Variants in FOXJ3 observed in about 807,000 individuals in gnomAD.
FOXJ3 encodes the protein forkhead box J3.
FOXJ3 carries 22 observed loss-of-function variants against 76.1 expected under a neutral mutation model. The ratio of observed to expected loss-of-function variants is 0.29; its 90% CI spans 0.21 to 0.41. The LOEUF is 0.41. Ranked by LOEUF, FOXJ3 falls within the 10% of genes least tolerant of loss-of-function variation. The pLI, the probability that FOXJ3 is intolerant of heterozygous loss-of-function variation, is 1.00. For synonymous variants in FOXJ3, 269 were observed against 261.2 expected, an observed-to-expected ratio of 1.03 and a Z score of -0.29; for missense variants, 613 against 762.1, an observed-to-expected ratio of 0.80 and a Z score of 2.30.
chr1:42,306,251 T>C (rs978555661), intron 2 of FOXJ3, among the ~76,000 whole-genome samples: 1 of 151,702 alleles, frequency 6.6e-6, no homozygotes, highest in African/African-American at 2.4e-5. Context: ...ACTTTTAAGA[T>C]TGTACTGTTT....
intron 3 of FOXJ3, among the ~76,000 whole-genome samples, chr1:42,267,233 A>G (rs1651532972): frequency 1.3e-5 from 2 of 152,158 alleles, no homozygotes; most frequent in South Asian, 4.1e-4. Flanking sequence ...CTGAATAACA[A>G]GCAAACACAG....
At chr1:42,227,193 G>A (rs1647642391) in intron 5 of FOXJ3, among the ~76,000 whole-genome samples, 1 of 152,204 alleles carries the variant, frequency 6.6e-6, no homozygotes, top group Admixed American at 6.5e-5. Flanking sequence ...GCTTCACAAA[G>A]CAGTTAACAT....
intron 3 of FOXJ3, among the ~76,000 whole-genome samples, chr1:42,276,821 T>A (rs952174226): frequency 1.3e-5 from 2 of 152,232 alleles, no homozygotes; most frequent in Non-Finnish European, 2.9e-5. Context: ...CTCTGATATG[T>A]TATGCACAAA....
intron 5 of FOXJ3, among the ~76,000 whole-genome samples, chr1:42,227,185 T>C (rs1240834571): frequency 6.6e-6 from 1 of 152,230 alleles, no homozygotes; most frequent in Non-Finnish European, 1.5e-5. Context: ...TAAGCGAAGC[T>C]TCACAAAGCA....
At chr1:42,295,735 G>C (rs763075933) in intron 2 of FOXJ3, among the ~76,000 whole-genome samples, 1 of 151,948 alleles carries the variant, frequency 6.6e-6, no homozygotes, top group Non-Finnish European at 1.5e-5. Context: ...CACGATGTTG[G>C]CCAGGCTGGT....
At chr1:42,308,147 A>G (rs1410202033) in intron 2 of FOXJ3, among the ~76,000 whole-genome samples, 3 of 152,282 alleles carry the variant, frequency 2.0e-5, no homozygotes, top group African/African-American at 4.8e-5. Context: ...ATTCCCAGCC[A>G]TATGTCCAGT....
chr1:42,215,860 T>C (rs924148963), intron 5 of FOXJ3, among the ~76,000 whole-genome samples: 7 of 152,106 alleles, frequency 4.6e-5, no homozygotes, highest in African/African-American at 1.7e-4. Context: ...AAAAATACTC[T>C]TCAAAAATGA....
chr1:42,324,078 T>TATATATACACTGTGTATATAC (rs139441430), intron 1 of FOXJ3, among the ~76,000 whole-genome samples: 1 of 71,302 alleles, frequency 1.4e-5, no homozygotes, highest in Non-Finnish European at 2.9e-5. Flanking sequence ...AGTGTATATA[T>TATATATACACTGTGTATATAC]AGTATATATA....
At chr1:42,238,166 G>A (rs1648848485) in intron 4 of FOXJ3, among the ~76,000 whole-genome samples, 1 of 152,010 alleles carries the variant, frequency 6.6e-6, no homozygotes, top group Non-Finnish European at 1.5e-5. Flanking sequence ...CCAAGTAGCT[G>A]GGAATATAGG....
At chr1:42,199,791 G>A (rs1646723545) in intron 6 of FOXJ3, among the ~76,000 whole-genome samples, 1 of 151,712 alleles carries the variant, frequency 6.6e-6, no homozygotes, top group Non-Finnish European at 1.5e-5. Context: ...TCAAACTGTT[G>A]TTAATGGTTA....
rs1322548048 is a variant in FOXJ3 at position 42,179,157 on chromosome 1, C to T, written c.*553G>A. 3 of 152,490 alleles carry T rather than the reference C, an allele frequency of 2.0e-5. No homozygotes were observed. Among genetic ancestry groups the T allele is most frequent in the African/African-American group, 7.2e-5 (3 of 41,390 alleles). The allele number at this position is 152,490 out of a possible 1,614,324, so 9.4% of individuals were successfully genotyped here. A position where few individuals can be genotyped will look rare whatever the true frequency, so the allele number is the denominator to read the frequency against. On this transcript the variant is annotated 3_prime_UTR_variant, in exon 13 of 13. Transcript: ENST00000361346. ...TTGACTTATTAGATAGAATTCATTA[C>T]CCACATTTCTAAAAAAGATTAAATA...
chr1:42,228,271 T>C (rs1381343791), intron 4 of FOXJ3, among the ~76,000 whole-genome samples: 2 of 152,114 alleles, frequency 1.3e-5, no homozygotes, highest in African/African-American at 2.4e-5. Flanking sequence ...ATTGAACAGA[T>C]GATAATTATA....
At chr1:42,270,074 CA>C (rs1326511997) in intron 3 of FOXJ3, among the ~76,000 whole-genome samples, 1 of 152,176 alleles carries the variant, frequency 6.6e-6, no homozygotes, top group Non-Finnish European at 1.5e-5. Flanking sequence ...ATCTTGCTTT[CA>C]ACATTCATCC....
chr1:42,298,732 T>A (rs1481744487), intron 2 of FOXJ3, among the ~76,000 whole-genome samples: 1 of 152,200 alleles, frequency 6.6e-6, no homozygotes, highest in Non-Finnish European at 1.5e-5. Context: ...TTCCTTGATG[T>A]ATGGTGGTAG....
rs144780376 is a variant in FOXJ3 at position 42,193,538 on chromosome 1, T to G, written c.934+1352A>C. Among the ~76,000 whole-genome samples, 102 of 152,260 alleles carry G rather than the reference T, an allele frequency of 6.7e-4. No individual in the cohort carries two copies. The East Asian group carries it at 0.019, about 28-fold the overall frequency. On this transcript the variant is annotated intron_variant, in intron 8 of 12. Coordinates refer to ENST00000361346, the MANE Select transcript of FOXJ3 (RefSeq NM_014947.5). ...CTTAGCAAAGTCTTCCATTAGTTCT[T>G]TTTATACTTTTATAGATGAAAAATT... is the stretch of plus-strand genomic sequence containing the variant.
At chr1:42,304,017 G>A (rs1284032928) in intron 2 of FOXJ3, among the ~76,000 whole-genome samples, 3 of 151,980 alleles carry the variant, frequency 2.0e-5, no homozygotes, top group Non-Finnish European at 4.4e-5. Context: ...TCTTATATTT[G>A]GAAAAACCTA....
chr1:42,210,487 C>A (rs1326589899), intron 5 of FOXJ3, among the ~76,000 whole-genome samples: 1 of 152,242 alleles, frequency 6.6e-6, no homozygotes, highest in Admixed American at 6.5e-5. Flanking sequence ...CCAGCACAGC[C>A]CATTACAACA....
intron 4 of FOXJ3, among the ~76,000 whole-genome samples, chr1:42,244,256 A>G (rs958490560): frequency 6.6e-6 from 1 of 152,232 alleles, no homozygotes; most frequent in Non-Finnish European, 1.5e-5. Context: ...CTAACAATGC[A>G]CTTCAAGAAC....
chr1:42,335,605 C>G (rs985502053), upstream of FOXJ3: 14 of 152,262 alleles, frequency 9.2e-5, no homozygotes, highest in East Asian at 1.9e-4. Context: ...CTCCCCCGCC[C>G]CCCAACATCC....
Sources: gnomAD v4.1 joint callset for allele counts (sites outside exome capture counted in the v4.1 genomes callset) on GRCh38, gnomAD v4.1.1 for gene constraint, MANE v1.5 for transcripts, NCBI Gene and HGNC (gene_info 2026-07-23, HGNC 2026-07-21) for gene names.